The following CHD7 variants were observed in gnomAD, a reference collection of about 807,000 sequenced individuals.
The protein encoded by CHD7 is chromodomain helicase DNA binding protein 7.
Under a neutral mutation model 307.3 loss-of-function variants are expected in CHD7, and 24 were observed. The observed-to-expected ratio is 0.08, with a 90% confidence interval of 0.06 to 0.11. The LOEUF is 0.11. CHD7 is among the 10% of genes least tolerant of loss of function. The pLI, the probability that CHD7 is intolerant of heterozygous loss-of-function variation, is 1.00. For missense variants in CHD7, 3,106 were observed against 3,727.1 expected (o/e 0.83, Z 4.34); for synonymous variants, 1,363 against 1,349.9 (o/e 1.01, Z -0.21).
chr8:60,830,193 C>G, intron 14 of CHD7, 129 bp from the exon 15 acceptor site: 1 of 934,438 alleles, frequency 1.1e-6, no homozygotes, highest in Non-Finnish European at 1.6e-6. Flanking sequence ...CTCCTTCATA[C>G]TCTCACTGGG....
chr8:60,841,483 G>A (rs187882250), intron 19 of CHD7, among the ~76,000 whole-genome samples, 161 bp from the exon 20 acceptor site: 2 of 152,218 alleles, frequency 1.3e-5, no homozygotes, highest in Admixed American at 1.3e-4. Flanking sequence ...TGGTCAGTGA[G>A]CTGCCTGAGG....
intron 2 of CHD7, among the ~76,000 whole-genome samples, chr8:60,780,723 T>C (rs530739052): frequency 6.6e-6 from 1 of 152,356 alleles, no homozygotes; most frequent in Non-Finnish European, 1.5e-5. Flanking sequence ...AAACAGACAG[T>C]GTCTTCAGTT....
rs2150810854 is a variant in CHD7, at chr8:60,853,275, A to G, written c.6550A>G (p.Lys2184Glu). Reference protein sequence around the residue: ...KVEEPENPAAKEKCEGKEEEE... With the variant: ...KVEEPENPAAEEKCEGKEEEE... ...GGAGGAGCCTGAAAACCCAGCTGCC[A>G]AGGAGAAATGTGAGGGCAAAGAAGA... Residue 2184 changes from lysine (K) to glutamate (E), a missense_variant, in exon 31 of 38, where the codon AAG becomes GAG. Transcript: ENST00000423902. 1.2e-6 allele frequency: 2 copies of G among 1,612,424 alleles called. No homozygotes were observed. The highest frequency in any genetic ancestry group is 2.7e-5 in the African/African-American group (2 of 74,910).
Position 60,722,337 on chromosome 8 carries a change from A to T in CHD7, c.-174-18922A>T, listed in dbSNP as rs573465106. On this transcript the variant is annotated intron_variant, in intron 1 of 37. Transcript: ENST00000423902. ...GGGTACGATTGTGGTCATGCTTTTC[A>T]TATCCAGGGTATTGTAGTTGAAAGG... Among the ~76,000 whole-genome samples, 12 of 152,288 alleles carry T rather than the reference A, an allele frequency of 7.9e-5. No homozygotes were observed. The East Asian group carries it at 1.3e-3, about 17-fold the overall frequency.
At chr8:60,850,842 C>A in intron 26 of CHD7, 190 bp from the exon 27 acceptor site, 1 of 690,310 alleles carries the variant, frequency 1.4e-6, no homozygotes, top group Non-Finnish European at 2.4e-6. Flanking sequence ...TGTCATTTCC[C>A]GCAATCTCCC....
At chr8:60,794,671 G>T (rs934145372) in intron 3 of CHD7, among the ~76,000 whole-genome samples, 3 of 152,146 alleles carry the variant, frequency 2.0e-5, no homozygotes, top group Non-Finnish European at 2.9e-5. Flanking sequence ...TTAAAAATTC[G>T]ATAGCAAAAC....
intron 4 of CHD7, among the ~76,000 whole-genome samples, chr8:60,798,541 G>A (rs958021762): frequency 6.6e-6 from 1 of 152,180 alleles, no homozygotes; most frequent in Non-Finnish European, 1.5e-5. Context: ...ACTCTTTGGG[G>A]AAAAGTACTG....
At position 60,844,980 on chromosome 8, in the gene CHD7, G is replaced by A; in HGVS notation, c.4967G>A (p.Gly1656Glu). The part of the protein sequence containing the change: ...ILVYCLNHYK[G>E]DENIKSFIWD... ...GTGTACTGTCTTAATCATTACAAAG[G>A]GGATGAGAATATCAAAAGCTTCATC... Residue 1656 changes from glycine (G) to glutamate (E), a missense_variant, in exon 22 of 38, where the codon GGG becomes GAG. Around this residue, in one of 10 missense-constraint regions of CHD7, gnomAD observed 28 missense variants for 64.7 expected, o/e 0.43. Coordinates refer to ENST00000423902, the MANE Select transcript of CHD7 (RefSeq NM_017780.4). 6.2e-7 allele frequency: 1 copy of A among 1,613,932 alleles called. No individual in the cohort carries two copies.
At position 60,806,027 on chromosome 8, in the gene CHD7, G is replaced by A. The variant is rs1172553297; in HGVS notation, c.2443-2190G>A. ...TTCCCTGATCATCTACCATCTTTTTGTCTTTCTGCTGGAAGTCTGGTTCTA... is the reference window on the plus strand; with the variant it reads ...TTCCCTGATCATCTACCATCTTTTTATCTTTCTGCTGGAAGTCTGGTTCTA... On this transcript the variant is annotated intron_variant, in intron 6 of 37. Coordinates refer to ENST00000423902, the MANE Select transcript of CHD7 (RefSeq NM_017780.4). 3.3e-5 allele frequency among the ~76,000 whole-genome samples: 5 copies of A among 152,016 alleles called. 1 individual carries two copies. The highest frequency in any genetic ancestry group is 7.2e-5 in the African/African-American group (3 of 41,480).
intron 37 of CHD7, chr8:60,863,650 A>G (rs1398280590): frequency 1.3e-5 from 2 of 152,182 alleles, no homozygotes; most frequent in African/African-American, 4.8e-5. Flanking sequence ...TATCCAAAAT[A>G]ACACATTATA....
At chr8:60,699,604 C>A (rs952336460) in intron 1 of CHD7, among the ~76,000 whole-genome samples, 1 of 151,844 alleles carries the variant, frequency 6.6e-6, no homozygotes, top group African/African-American at 2.4e-5. Context: ...TATACTGTAG[C>A]TCCTCTATTT....
chr8:60,816,946 A>T (rs940430263), intron 8 of CHD7, among the ~76,000 whole-genome samples: 1 of 152,214 alleles, frequency 6.6e-6, no homozygotes, highest in Admixed American at 6.5e-5. Context: ...CACTAAACTC[A>T]TTTTCGCAAA....
At chr8:60,696,331 A>G (rs953042851) in intron 1 of CHD7, among the ~76,000 whole-genome samples, 6 of 152,236 alleles carry the variant, frequency 3.9e-5, no homozygotes, top group Admixed American at 6.5e-5. Flanking sequence ...ATTAAAAGCT[A>G]CAATTCCACA....
At chr8:60,772,611 A>G (rs574819820) in intron 2 of CHD7, among the ~76,000 whole-genome samples, 22 of 152,270 alleles carry the variant, frequency 1.4e-4, no homozygotes, top group South Asian at 1.2e-3. Context: ...TGAGAACACT[A>G]TGGACCTTAG....
chr8:60,744,073 A>G (rs752467115), intron 2 of CHD7, among the ~76,000 whole-genome samples: 2 of 152,200 alleles, frequency 1.3e-5, no homozygotes, highest in Non-Finnish European at 2.9e-5. Context: ...CAGAGAGAGG[A>G]AATAACCTGT....
At chr8:60,825,250 A>G (rs987592576) in intron 13 of CHD7, 1 of 152,202 alleles carries the variant, frequency 6.6e-6, no homozygotes, top group Non-Finnish European at 1.5e-5. Flanking sequence ...AGCTTATTTT[A>G]TTCTTAAAGA....
At chr8:60,812,465 C>A (rs1215429132) in intron 7 of CHD7, among the ~76,000 whole-genome samples, 1 of 151,942 alleles carries the variant, frequency 6.6e-6, no homozygotes, top group Non-Finnish European at 1.5e-5. Flanking sequence ...GAGCTTGAGA[C>A]CAGCCTGGCC....
At chr8:60,851,210 GA>G in intron 27 of CHD7, 51 bp from the exon 28 acceptor site, 1 of 1,524,806 alleles carries the variant, frequency 6.6e-7, no homozygotes, top group Non-Finnish European at 8.9e-7. Context: ...AAAAGACAAA[GA>G]AAAATGAGAC....
chr8:60,858,190 A>G (rs1286128095), intron 34 of CHD7, among the ~76,000 whole-genome samples: 1 of 152,222 alleles, frequency 6.6e-6, no homozygotes, highest in Admixed American at 6.5e-5. Context: ...CAGGAGGCGG[A>G]GGTTGCAGTG....
Sources: gnomAD v4.1 joint callset for allele counts (sites outside exome capture counted in the v4.1 genomes callset) on GRCh38, gnomAD v4.1.1 for gene constraint, gnomAD v4.1.1 regional missense constraint, MANE v1.5 for transcripts, NCBI Gene and HGNC (gene_info 2026-07-23, HGNC 2026-07-21) for gene names.